GDAP1: variants seen among roughly 807,000 people sequenced by gnomAD.
GDAP1 encodes the protein ganglioside-induced differentiation-associated protein 1.
GDAP1 carries 34 observed loss-of-function variants against 40.1 expected under a neutral mutation model. The observed-to-expected ratio is 0.85, with a 90% CI of 0.64 to 1.13. GDAP1 has a LOEUF of 1.13. GDAP1 is among the 50% of genes most tolerant of loss of function. The probability of loss-of-function intolerance (pLI) is 0.00; values close to 1 mark genes in which losing one functional copy is unlikely to be tolerated. For missense variants in GDAP1, 374 were observed against 433.7 expected, an observed-to-expected ratio of 0.86 and a Z score of 1.22; for synonymous variants, 170 against 157.4, an observed-to-expected ratio of 1.08 and a Z score of -0.60.
intron 2 of GDAP1, among the ~76,000 whole-genome samples, chr8:74,418,399 T>C (rs1286080883): frequency 3.9e-5 from 6 of 152,194 alleles, no homozygotes; most frequent in African/African-American, 1.4e-4. Flanking sequence ...ATATGGCCAA[T>C]TGATTTTTAA....
intron 2 of GDAP1, among the ~76,000 whole-genome samples, chr8:74,444,452 A>G (rs1806204948): frequency 1.3e-5 from 2 of 152,180 alleles, no homozygotes; most frequent in Admixed American, 1.3e-4. Context: ...TAGGGTAGTA[A>G]AAGTTCAGAA....
intron 4 of GDAP1, 115 bp downstream of exon 4, chr8:74,362,093 A>G (rs1225727682): frequency 4.3e-6 from 3 of 704,152 alleles, no homozygotes; most frequent in Non-Finnish European, 7.6e-6. Context: ...GTTCACCAGT[A>G]CACATGTTAC....
At chr8:74,418,554 C>T (rs1421320332) in intron 2 of GDAP1, among the ~76,000 whole-genome samples, 1 of 152,116 alleles carries the variant, frequency 6.6e-6, no homozygotes, top group Non-Finnish European at 1.5e-5. Flanking sequence ...TATAGATGAA[C>T]AACAAGTAAC....
intron 2 of GDAP1, among the ~76,000 whole-genome samples, chr8:74,440,438 T>C (rs1298760034): frequency 6.6e-6 from 1 of 152,150 alleles, no homozygotes; most frequent in Non-Finnish European, 1.5e-5. Context: ...AAGGTATATC[T>C]CTTCCACCGT....
chr8:74,396,099 A>C (rs1810194580), intron 2 of GDAP1, among the ~76,000 whole-genome samples: 1 of 152,156 alleles, frequency 6.6e-6, no homozygotes, highest in African/African-American at 2.4e-5. Context: ...GAGTTTGAGA[A>C]CCACTGCTTT....
rs71269990 is a variant in GDAP1 at position 74,413,065 on chromosome 8, C to CAAAAAAAA, written c.165+61760_165+61767dup. Among the ~76,000 whole-genome samples the CAAAAAAAA allele has an allele frequency of 1.3e-3, 74 of 57,086 alleles. 8 individuals carry two copies. The highest frequency in any genetic ancestry group is 0.031 in the Middle Eastern group (1 of 32). 37.5% of individuals were successfully genotyped at this position (57,086 alleles called of 152,430 possible). ...CTGGCGATAAAGCGAGACTCTGTCT[C>CAAAAAAAA]AAAAAAAAAAAAAAAAAAAAAAAGA... On this transcript the variant is annotated intron_variant, in intron 2 of 2. Transcript: ENST00000523640.
Position 74,360,233 on chromosome 8 carries a change from A to G in GDAP1, c.407A>G (p.Tyr136Cys). ...ELLDSLPMDA[Y>C]THGCILHPEL... ...CTTGACTCCTTGCCAATGGATGCCT[A>G]TACACATGGCTGCATTTTACATCCT... Residue 136 changes from tyrosine (Y) to cysteine (C), a missense_variant, in exon 3 of 6, where the codon TAT becomes TGT. Physicochemically the swap from Tyr to Cys is radical, Grantham distance 194. Coordinates refer to ENST00000220822, the MANE Select transcript of GDAP1 (RefSeq NM_018972.4). 5 of 1,613,346 alleles carry G rather than the reference A, an allele frequency of 3.1e-6. No individual in the cohort carries two copies. Among genetic ancestry groups the G allele is most frequent in the Non-Finnish European group, 4.2e-6 (5 of 1,179,268 alleles).
In GDAP1 at chr8:74,382,319, TAA is replaced by T. The variant is rs142586159; in HGVS notation, c.165+31000_165+31001del. Among the ~76,000 whole-genome samples the T allele has an allele frequency of 5.2e-3, 786 of 151,828 alleles. 8 individuals are homozygous for T. Among genetic ancestry groups the T allele is most frequent in the African/African-American group, 0.018 (726 of 41,464 alleles). On this transcript the variant is annotated intron_variant, in intron 2 of 2. Coordinates refer to the GDAP1 transcript ENST00000523640. Reference sequence around the variant, plus strand: ...CCAGACTTGGAATCAGCTATTTTTCTAAAGAGTCCTAATTCCTGTTAGTGGGA... The same window carrying T: ...CCAGACTTGGAATCAGCTATTTTTCTAGAGTCCTAATTCCTGTTAGTGGGA...
chr8:74,386,819 A>G (rs1415708655), intron 2 of GDAP1, among the ~76,000 whole-genome samples: 1 of 152,210 alleles, frequency 6.6e-6, no homozygotes, highest in Non-Finnish European at 1.5e-5. Context: ...ATCCATGAGC[A>G]TGGAATATTT....
At chr8:74,472,459 G>A (rs557280717) in intron 2 of GDAP1, among the ~76,000 whole-genome samples, 71 of 152,294 alleles carry the variant, frequency 4.7e-4, no homozygotes, top group South Asian at 1.7e-3. Flanking sequence ...TCCCAGTAAT[G>A]GGATTGCTGG....
At chr8:74,447,747 C>G (rs138259838) in intron 2 of GDAP1, among the ~76,000 whole-genome samples, 24 of 152,308 alleles carry the variant, frequency 1.6e-4, no homozygotes, top group African/African-American at 5.5e-4. Context: ...TCACTGGTAG[C>G]TGAGTTAGTG....
At chr8:74,468,367 G>T (rs1806499963) in intron 2 of GDAP1, among the ~76,000 whole-genome samples, 2 of 151,746 alleles carry the variant, frequency 1.3e-5, no homozygotes, top group Non-Finnish European at 2.9e-5. Flanking sequence ...GTGATTTGGA[G>T]ACTTTCTCTT....
At chr8:74,360,416 T>C in intron 3 of GDAP1, 106 bp downstream of exon 3, 1 of 960,538 alleles carries the variant, frequency 1.0e-6, no homozygotes, top group Non-Finnish European at 1.7e-6. Context: ...GGGAATAGGG[T>C]TGTTGAGTTT....
At position 74,413,776 on chromosome 8, in the gene GDAP1, A is replaced by G. The variant is rs111240822; in HGVS notation, c.165+62455A>G. 4.6e-3 allele frequency among the ~76,000 whole-genome samples: 682 copies of G among 148,372 alleles called. 61 individuals are homozygous for G. Among genetic ancestry groups the G allele is most frequent in the African/African-American group, 0.015 (582 of 38,060 alleles). On this transcript the variant is annotated intron_variant, in intron 2 of 2. Transcript: ENST00000523640. ...ACCATTTGGCCCCAAAGTGGTTGCA[A>G]CCATAGGAAGTACATAACAGAGCAG...
intron 2 of GDAP1, among the ~76,000 whole-genome samples, chr8:74,385,509 C>G (rs908487410): frequency 1.3e-5 from 2 of 152,144 alleles, no homozygotes. Context: ...AACACGAACT[C>G]ATCCTTTTTT....
At chr8:74,482,846 C>G (rs118066390) in intron 2 of GDAP1, among the ~76,000 whole-genome samples, 2,121 of 152,248 alleles carry the variant, frequency 0.014, 18 homozygotes, top group Non-Finnish European at 0.021. Flanking sequence ...TTTCTACACT[C>G]TCTGTGACAC....
chr8:74,484,465 A>G (rs1022268778), intron 2 of GDAP1, among the ~76,000 whole-genome samples: 5 of 152,212 alleles, frequency 3.3e-5, no homozygotes, highest in Non-Finnish European at 7.3e-5. Flanking sequence ...TGACAACTAA[A>G]CATCACAGAA....
intron 2 of GDAP1, among the ~76,000 whole-genome samples, chr8:74,386,363 G>A (rs1810025063): frequency 6.6e-6 from 1 of 152,268 alleles, no homozygotes; most frequent in Non-Finnish European, 1.5e-5. Context: ...ATTAATTTTT[G>A]TATAAGGTGT....
At chr8:74,374,061 A>G (rs1809805474) in intron 2 of GDAP1, among the ~76,000 whole-genome samples, 1 of 152,202 alleles carries the variant, frequency 6.6e-6, no homozygotes, top group Non-Finnish European at 1.5e-5. Flanking sequence ...GATTATGTTT[A>G]TTGATTGGCG....
Sources: gnomAD v4.1 joint callset for allele counts (sites outside exome capture counted in the v4.1 genomes callset) on GRCh38, gnomAD v4.1.1 for gene constraint, MANE v1.5 for transcripts, NCBI Gene and HGNC (gene_info 2026-07-23, HGNC 2026-07-21) for gene names.